The following FTCDNL1 variants were observed in gnomAD, a reference collection of about 807,000 sequenced individuals.
FTCDNL1 encodes the protein formiminotransferase cyclodeaminase N-terminal like, also known as formiminotransferase N-terminal subdomain-containing protein.
FTCDNL1 carries 11 observed loss-of-function variants against 5.9 expected under a neutral mutation model. The ratio of observed to expected loss-of-function variants is 1.87; its 90% CI spans 1.18 to 3.10. The LOEUF (loss-of-function observed/expected upper bound fraction) is 3.10, where lower values mean the gene tolerates loss of function less well. Ranked by LOEUF, FTCDNL1 falls within the 30% of genes most tolerant of loss-of-function variation. The pLI is 0.00. For synonymous variants in FTCDNL1, 58 were observed against 24.8 expected (o/e 2.34, Z -3.99); for missense variants, 115 against 65.5 (o/e 1.76, Z -2.61).
At chr2:199,795,013 G>C (rs1270146142) in intron 3 of FTCDNL1, among the ~76,000 whole-genome samples, 2 of 152,164 alleles carry the variant, frequency 1.3e-5, no homozygotes, top group Non-Finnish European at 2.9e-5. Context: ...GTCAGATTCT[G>C]GCTCCATCAT....
chr2:199,804,832 A>C (rs1332927875), downstream of FTCDNL1, among the ~76,000 whole-genome samples: 1 of 152,220 alleles, frequency 6.6e-6, no homozygotes, highest in Non-Finnish European at 1.5e-5. Context: ...CACACTAAGC[A>C]TTTCAAAAGA....
the FTCDNL1 span, among the ~76,000 whole-genome samples, chr2:199,685,587 T>C: frequency 9.2e-5 from 14 of 152,194 alleles, no homozygotes; most frequent in African/African-American, 3.1e-4. Context: ...TGTTTTTATA[T>C]GCAAATATAA....
the FTCDNL1 span, among the ~76,000 whole-genome samples, chr2:199,689,446 A>G: frequency 1.3e-5 from 2 of 152,046 alleles, no homozygotes; most frequent in Non-Finnish European, 2.9e-5. Context: ...GGGTCTTATC[A>G]CCCAACACAG....
chr2:199,726,910 A>G, the FTCDNL1 span, among the ~76,000 whole-genome samples: 1 of 152,188 alleles, frequency 6.6e-6, no homozygotes, highest in Non-Finnish European at 1.5e-5. Context: ...AACCCACTTA[A>G]TGAAGCATTC....
At chr2:199,765,556 A>ATATATTTTTTTTTTTTTTTTTTTTTT in intron 3 of FTCDNL1, among the ~76,000 whole-genome samples, 4 of 42,666 alleles carry the variant, frequency 9.4e-5, no homozygotes, top group Non-Finnish European at 1.9e-4. Flanking sequence ...ATATATATAT[A>ATATATTTTTTTTTTTTTTTTTTTTTT]TTTTTTTTTT....
At chr2:199,684,797 T>G in the FTCDNL1 span, among the ~76,000 whole-genome samples, 2 of 152,204 alleles carry the variant, frequency 1.3e-5, no homozygotes, top group Non-Finnish European at 2.9e-5. Flanking sequence ...CTTTTAAGCA[T>G]GAGGATACAT....
the FTCDNL1 span, among the ~76,000 whole-genome samples, chr2:199,665,741 C>T: frequency 5.6e-5 from 2 of 35,754 alleles, no homozygotes; most frequent in African/African-American, 1.7e-4. Context: ...GGGTGGATCG[C>T]GAGGTCAGGA....
the FTCDNL1 span, among the ~76,000 whole-genome samples, chr2:199,715,346 C>A: frequency 6.6e-6 from 1 of 152,016 alleles, no homozygotes; most frequent in Non-Finnish European, 1.5e-5. Flanking sequence ...TGGGAGGGAC[C>A]CAGTGGGAGG....
the FTCDNL1 span, among the ~76,000 whole-genome samples, chr2:199,737,304 T>C: frequency 6.6e-6 from 1 of 152,146 alleles, no homozygotes; most frequent in Non-Finnish European, 1.5e-5. Context: ...TAATAAACAA[T>C]GAATGTTAGC....
chr2:199,709,020 A>G, the FTCDNL1 span, among the ~76,000 whole-genome samples: 1 of 152,126 alleles, frequency 6.6e-6, no homozygotes, highest in Admixed American at 6.6e-5. Context: ...CTGTTCCCCA[A>G]GTGAAAATCT....
the FTCDNL1 span, among the ~76,000 whole-genome samples, chr2:199,720,541 G>T: frequency 1.3e-5 from 2 of 152,274 alleles, no homozygotes; most frequent in South Asian, 4.2e-4. Flanking sequence ...ATCCTTCCTT[G>T]CCTCTGCCAG....
intron 4 of FTCDNL1, among the ~76,000 whole-genome samples, chr2:199,816,768 C>T (rs1054817342): frequency 7.9e-5 from 12 of 152,138 alleles, no homozygotes; most frequent in Admixed American, 2.0e-4. Context: ...AATCACAATA[C>T]GGCCCCATTC....
At chr2:199,675,167 A>G in the FTCDNL1 span, among the ~76,000 whole-genome samples, 1 of 152,118 alleles carries the variant, frequency 6.6e-6, no homozygotes, top group Non-Finnish European at 1.5e-5. Context: ...CCTATCTACC[A>G]GTTTCTTCCA....
At chr2:199,664,699 T>C in the FTCDNL1 span, among the ~76,000 whole-genome samples, 1 of 152,214 alleles carries the variant, frequency 6.6e-6, no homozygotes, top group African/African-American at 2.4e-5. Flanking sequence ...AGCCAAAGAA[T>C]ATGCCAAAAA....
the FTCDNL1 span, among the ~76,000 whole-genome samples, chr2:199,703,205 C>G: frequency 1.3e-5 from 2 of 151,844 alleles, no homozygotes; most frequent in Non-Finnish European, 2.9e-5. Flanking sequence ...TCCCTCCCCC[C>G]TGCCCCCACC....
At chr2:199,824,067 G>A (rs758441004) in intron 3 of FTCDNL1, among the ~76,000 whole-genome samples, 6 of 152,034 alleles carry the variant, frequency 3.9e-5, no homozygotes, top group Non-Finnish European at 8.8e-5. Flanking sequence ...CTCCCACCTC[G>A]GTCTCCCAAA....
intron 3 of FTCDNL1, among the ~76,000 whole-genome samples, chr2:199,841,003 G>A (rs1456478771): frequency 6.6e-6 from 1 of 151,902 alleles, no homozygotes; most frequent in Non-Finnish European, 1.5e-5. Context: ...ATACAAAAAT[G>A]AGCCAGGTGT....
Position 199,831,814 on chromosome 2 carries a change from A to T in FTCDNL1, c.212-12057T>A, listed in dbSNP as rs574843189. Among the ~76,000 whole-genome samples, 11 of 152,304 alleles carry T rather than the reference A, an allele frequency of 7.2e-5. No individual in the cohort carries two copies. The East Asian group carries it at 1.9e-3, about 27-fold the overall frequency. ...ATTTTAAAAAATCAGGCAAGGTCTA[A>T]TAAATAAATGGTTGTGAGGATTCTT... On this transcript the variant is annotated intron_variant, in intron 3 of 4. Transcript: ENST00000420128.
the FTCDNL1 span, among the ~76,000 whole-genome samples, chr2:199,728,517 G>A: frequency 1.3e-5 from 2 of 152,030 alleles, no homozygotes; most frequent in African/African-American, 2.4e-5. Flanking sequence ...CAAAGTGCTG[G>A]GATTACAGGC....
Sources: allele counts gnomAD v4.1 joint callset (sites outside exome capture counted in the v4.1 genomes callset), GRCh38; gene constraint gnomAD v4.1.1; transcripts MANE v1.5; gene names NCBI Gene and HGNC (gene_info 2026-07-23, HGNC 2026-07-21).